Variants in RADIL observed in about 807,000 individuals in gnomAD.
The protein encoded by RADIL is Rap associating with DIL domain.
RADIL carries 99 observed loss-of-function variants against 97.6 expected under a neutral mutation model. The observed-to-expected ratio is 1.01, with a 90% CI of 0.86 to 1.20. The LOEUF (loss-of-function observed/expected upper bound fraction) is 1.20, where lower values mean the gene tolerates loss of function less well. Among genes scored for constraint, RADIL ranks in the 50% most tolerant of loss-of-function variants. The pLI is 0.00. For missense variants in RADIL, 1,765 were observed against 1,498.9 expected (o/e 1.18, Z -2.93); for synonymous variants, 803 against 691.8 (o/e 1.16, Z -2.52).
chr7:4,800,136 G>GT lies in RADIL; in HGVS notation c.2982+34dup, dbSNP rs769352485. ...ATGAACAGGCGGGGCCAGGCAGCCAGTATGGGGGTGCGGCGAGGGTCCTGG... is the reference window on the plus strand; with the variant it reads ...ATGAACAGGCGGGGCCAGGCAGCCAGTTATGGGGGTGCGGCGAGGGTCCTGG... On this transcript the variant is annotated intron_variant, in intron 13 of 14. Coordinates refer to ENST00000399583, the MANE Select transcript of RADIL (RefSeq NM_018059.5). 10 of 1,559,238 alleles carry GT rather than the reference G, an allele frequency of 6.4e-6. No homozygotes were observed. In the Admixed American group the frequency reaches 1.8e-4, roughly 27 times the overall value.
In RADIL at chr7:4,811,479, C is replaced by CT. The variant is rs35136302; in HGVS notation, c.2139+3798dup. On this transcript the variant is annotated intron_variant, in intron 9 of 14. Transcript: ENST00000399583. ...GAATTTGGTACTGATGGTATTATTT[C>CT]TTTTTTTTTTTTTTTTTTTTTTTTT... Among the ~76,000 whole-genome samples, 149 of 59,052 alleles carry CT rather than the reference C, an allele frequency of 2.5e-3. 11 individuals are homozygous for CT. The highest frequency in any genetic ancestry group is 3.7e-3 in the Non-Finnish European group (120 of 32,148). The allele number at this position is 59,052 out of a possible 152,430, so 38.7% of individuals were successfully genotyped here.
At chr7:4,868,326 T>G (rs1418827370) in intron 2 of RADIL, among the ~76,000 whole-genome samples, 1 of 152,244 alleles carries the variant, frequency 6.6e-6, no homozygotes, top group Non-Finnish European at 1.5e-5. Context: ...CCTCCCAAAG[T>G]GCCGGGATTA....
chr7:4,815,781 A>C lies in RADIL; in HGVS notation c.1967-331T>G, dbSNP rs1387561. ...CCCCACCTGGGTCTCCCCACGCCCC[A>C]CAGTGGCCCTGGCTGGGAGTGGCCA... On this transcript the variant is annotated intron_variant, in intron 8 of 14. Transcript: ENST00000399583. The surrounding 1 kb of genome is among the most constrained non-coding windows in gnomAD (Gnocchi z 8.0). Among the ~76,000 whole-genome samples, 105,800 of 152,052 alleles carry C rather than the reference A, an allele frequency of 0.7. 38,499 individuals are homozygous for C. The highest frequency in any genetic ancestry group is 0.91 in the African/African-American group (37,604 of 41,520).
intron 9 of RADIL, chr7:4,806,028 G>T (rs1273134765): frequency 2.0e-6 from 2 of 985,368 alleles, no homozygotes; most frequent in Non-Finnish European, 2.4e-6. Flanking sequence ...ACTGGGAAAT[G>T]AACAGTGAAA....
chr7:4,817,280 C>T lies in RADIL; in HGVS notation c.1687G>A (p.Val563Met), dbSNP rs929993386. ...ACGCACTGCTGGAAGGCGTACAGCACCACCTCCTCCAGCACCGCCATGGCC... is the reference window on the plus strand; with the variant it reads ...ACGCACTGCTGGAAGGCGTACAGCATCACCTCCTCCAGCACCGCCATGGCC... ...EEAMAVLEEV[V>M]LYAFQQCVYY... The change falls in exon 7 of 15, where the codon GTG becomes ATG. Residue 563 changes from valine to methionine, a missense_variant. Coordinates refer to ENST00000399583, the MANE Select transcript of RADIL (RefSeq NM_018059.5). The surrounding 1 kb of genome is among the most constrained non-coding windows in gnomAD (Gnocchi z 8.3). 1.2e-6 allele frequency: 2 copies of T among 1,612,740 alleles called. No individual in the cohort carries two copies. The highest frequency in any genetic ancestry group is 8.5e-7 in the Non-Finnish European group (1 of 1,179,768).
chr7:4,878,000 C>G lies in RADIL; in HGVS notation c.140G>C (p.Gly47Ala), dbSNP rs1181476269. 6.2e-7 allele frequency: 1 copy of G among 1,609,986 alleles called. No homozygotes were observed. Among genetic ancestry groups the G allele is most frequent in the African/African-American group, 1.3e-5 (1 of 74,422 alleles). Reference protein sequence around the residue: ...RDLDSTFSSLGASDDPAELST... With the variant: ...RDLDSTFSSLAASDDPAELST... ...GAGCTCGGCGGGGTCATCGCTGGCGCCCAGGCTGGAGAAGGTGGAGTCCAG... is the reference window on the plus strand; with the variant it reads ...GAGCTCGGCGGGGTCATCGCTGGCGGCCAGGCTGGAGAAGGTGGAGTCCAG... The change falls in exon 2 of 15, where the codon GGC (glycine) becomes GCC (alanine). Residue 47 changes from glycine (G) to alanine (A), a missense_variant. Gly to Ala is a moderately conservative substitution (Grantham distance 60). Coordinates refer to ENST00000399583, the MANE Select transcript of RADIL (RefSeq NM_018059.5).
Position 4,814,962 on chromosome 7 carries a change from C to T in RADIL, c.2139+316G>A, listed in dbSNP as rs766871465. Among the ~76,000 whole-genome samples, 1 of 152,176 alleles carries T rather than the reference C, an allele frequency of 6.6e-6. No individual in the cohort carries two copies. On this transcript the variant is annotated intron_variant, in intron 9 of 14. Transcript: ENST00000399583. This position sits in a 1 kb window ranked among gnomAD's most constrained non-coding sequence, Gnocchi z 4.5. ...GACTTGTCTGAGTGGACTGGGCCACCCGGATACCCAGGTCATCTCCGAATC... is the reference window on the plus strand; with the variant it reads ...GACTTGTCTGAGTGGACTGGGCCACTCGGATACCCAGGTCATCTCCGAATC...
intron 9 of RADIL, chr7:4,809,691 G>T: frequency 2.2e-6 from 2 of 927,792 alleles, no homozygotes; most frequent in Non-Finnish European, 2.6e-6. Flanking sequence ...TTATTTAATT[G>T]ATTTATTTAG....
At chr7:4,877,510 C>T (rs929803812) in intron 2 of RADIL, 95 bp downstream of exon 2, 33 of 1,387,190 alleles carry the variant, frequency 2.4e-5, no homozygotes, top group African/African-American at 2.0e-4. Context: ...GCCCGCCCCA[C>T]GCATGTCCCC....
rs1782273795 is a variant in RADIL at position 4,805,414 on chromosome 7, GGGT to G, written c.2290+149_2290+151del. On this transcript the variant is annotated intron_variant, in intron 10 of 14. Coordinates refer to ENST00000399583, the MANE Select transcript of RADIL (RefSeq NM_018059.5). ...AGGTTGGGGATGGGGCGGGGCGGGG[GGGT>G]CCTCTGGGTGGAGGCTCCTCCAGGG... 2.2e-4 allele frequency: 205 copies of G among 933,150 alleles called. No homozygotes were observed. The South Asian group carries it at 2.4e-3, about 11-fold the overall frequency. 57.8% of individuals were successfully genotyped at this position (933,150 alleles called of 1,614,324 possible).
intron 2 of RADIL, among the ~76,000 whole-genome samples, chr7:4,847,343 T>G (rs543508412): frequency 2.6e-4 from 39 of 151,662 alleles, no homozygotes; most frequent in African/African-American, 7.0e-4. Flanking sequence ...AACAAAAAAG[T>G]TAAACAATAT....
In RADIL at chr7:4,800,200, C is replaced by T. The variant is rs1175040954; in HGVS notation, c.2953G>A (p.Gly985Arg). Residue 985 changes from glycine to arginine, a missense_variant, in exon 13 of 15, where the codon GGG (glycine) becomes AGG (arginine). Gly to Arg is a moderately radical substitution (Grantham distance 125). Coordinates refer to ENST00000399583, the MANE Select transcript of RADIL (RefSeq NM_018059.5). ...CCGTCGATCAGGCCCATCCCCAGCC[C>T]GGAGGGGCCTCGTTCCAGCTCCACC... The part of the protein sequence containing the change: ...FTVELERGPS[G>R]LGMGLIDGMH... 8 of 1,608,544 alleles carry T rather than the reference C, an allele frequency of 5.0e-6. No individual in the cohort carries two copies. Among genetic ancestry groups the T allele is most frequent in the Admixed American group, 1.7e-5 (1 of 59,468 alleles).
intron 5 of RADIL, 63 bp downstream of exon 5, chr7:4,832,078 G>A (rs988167326): frequency 3.9e-5 from 61 of 1,567,140 alleles, no homozygotes; most frequent in South Asian, 9.1e-5. Context: ...TGGCTCCCCC[G>A]GGAAGTGTGA....
chr7:4,855,964 T>G (rs1448364390), intron 2 of RADIL, among the ~76,000 whole-genome samples: 1 of 151,988 alleles, frequency 6.6e-6, no homozygotes, highest in Non-Finnish European at 1.5e-5. Context: ...CCCAGCGAAT[T>G]TTTGTATTTT....
intron 9 of RADIL, chr7:4,809,041 CA>C: frequency 1.1e-6 from 1 of 948,046 alleles, no homozygotes; most frequent in Non-Finnish European, 1.2e-6. Flanking sequence ...CTTCCGACGC[CA>C]CTGCCCCCCC....
At position 4,850,778 on chromosome 7, in the gene RADIL, G is replaced by A. The variant is rs572347689; in HGVS notation, c.536-14173C>T. ...CTCCAGAAAGGAACGCAGCCCAGCC[G>A]ATACCTTGAGTGCAGCCGTGTGAGA... On this transcript the variant is annotated intron_variant, in intron 2 of 14. Transcript: ENST00000399583. Among the ~76,000 whole-genome samples, 304 of 152,316 alleles carry A rather than the reference G, an allele frequency of 2.0e-3. 1 individual carries two copies. The highest frequency in any genetic ancestry group is 7.1e-3 in the African/African-American group (296 of 41,564).
rs1305463171 is a variant in RADIL, at chr7:4,872,082, G to A, written c.535+5523C>T. On this transcript the variant is annotated intron_variant, in intron 2 of 14. Transcript: ENST00000399583. The surrounding 1 kb of genome is among the most constrained non-coding windows in gnomAD (Gnocchi z 5.8). ...CGAGAGTGGCCCAGGAGAAACAAAT[G>A]TCGCCACTGTGGATCAGGCCTGAGG... is the stretch of plus-strand genomic sequence containing the variant. Among the ~76,000 whole-genome samples, 2 of 152,128 alleles carry A rather than the reference G, an allele frequency of 1.3e-5. No individual in the cohort carries two copies. Among genetic ancestry groups the A allele is most frequent in the Non-Finnish European group, 2.9e-5 (2 of 68,028 alleles).
intron 2 of RADIL, among the ~76,000 whole-genome samples, chr7:4,850,733 G>T (rs1252159562): frequency 6.6e-6 from 1 of 152,196 alleles, no homozygotes; most frequent in Non-Finnish European, 1.5e-5. Context: ...AACCTTGTGA[G>T]TCTGAAAGAG....
chr7:4,840,694 C>T lies in RADIL; in HGVS notation c.536-4089G>A, dbSNP rs139543889. On this transcript the variant is annotated intron_variant, in intron 2 of 14. Coordinates refer to ENST00000399583, the MANE Select transcript of RADIL (RefSeq NM_018059.5). The surrounding 1 kb of genome is among the most constrained non-coding windows in gnomAD (Gnocchi z 5.6). ...CAAGAAACCACTATTTCTGGCCGGG[C>T]GCGGTGGCTCACGCCTGTAATCCCA... 0.013 allele frequency among the ~76,000 whole-genome samples: 1,951 copies of T among 152,244 alleles called. 39 individuals carry two copies. The highest frequency in any genetic ancestry group is 0.045 in the African/African-American group (1,869 of 41,540).
Sources: gnomAD v4.1 joint callset for allele counts (sites outside exome capture counted in the v4.1 genomes callset) on GRCh38, gnomAD v4.1.1 for gene constraint, Gnocchi (gnomAD v3.1) non-coding constraint, MANE v1.5 for transcripts, NCBI Gene and HGNC (gene_info 2026-07-23, HGNC 2026-07-21) for gene names.